The following RBMS3 variants were observed in gnomAD, a reference collection of about 807,000 sequenced individuals.
RBMS3 encodes RNA binding motif single stranded interacting protein 3.
Under a neutral mutation model 66.8 loss-of-function variants are expected in RBMS3, and 27 were observed. That is an observed-to-expected ratio of 0.40 (90% CI 0.30 to 0.56). The LOEUF (loss-of-function observed/expected upper bound fraction) is 0.56. Ranked by LOEUF, RBMS3 falls within the 20% of genes least tolerant of loss-of-function variation. RBMS3 has a pLI of 0.40. For missense variants in RBMS3, 513 were observed against 549.5 expected, an observed-to-expected ratio of 0.93 and a Z score of 0.66; for synonymous variants, 188 against 183.0, an observed-to-expected ratio of 1.03 and a Z score of -0.22.
In RBMS3 at chr3:29,607,698, T is replaced by C. The variant is rs1339953493; in HGVS notation, c.399+20493T>C. 3.9e-5 allele frequency among the ~76,000 whole-genome samples: 6 copies of C among 152,102 alleles called. No homozygotes were observed. In the South Asian group the frequency reaches 8.3e-4, roughly 21 times the overall value. Reference sequence around the variant, plus strand: ...GAAAGAAAATTTAAACATTTTACATTTTTACTTTACATGGAGAAAATTCAT... The same window carrying C: ...GAAAGAAAATTTAAACATTTTACATCTTTACTTTACATGGAGAAAATTCAT... On this transcript the variant is annotated intron_variant, in intron 4 of 14. Coordinates refer to ENST00000383767, the MANE Select transcript of RBMS3 (RefSeq NM_001003793.3).
chr3:29,672,149 A>T (rs577181380), intron 4 of RBMS3, among the ~76,000 whole-genome samples: 1 of 152,214 alleles, frequency 6.6e-6, no homozygotes, highest in African/African-American at 2.4e-5. Flanking sequence ...CTTAAAGAAA[A>T]GAATTTTCAA....
At chr3:29,993,663 C>G (rs1699027898) in intron 14 of RBMS3, among the ~76,000 whole-genome samples, 1 of 152,194 alleles carries the variant, frequency 6.6e-6, no homozygotes, top group African/African-American at 2.4e-5. Context: ...ACTGCTAGAG[C>G]TAGGACATTG....
At chr3:29,922,473 G>C (rs1178559420) in intron 10 of RBMS3, among the ~76,000 whole-genome samples, 1 of 136,022 alleles carries the variant, frequency 7.4e-6, no homozygotes, top group Non-Finnish European at 1.5e-5. Context: ...CGGCCTGGGC[G>C]ACAGAGCGAG....
intron 4 of RBMS3, among the ~76,000 whole-genome samples, chr3:29,727,935 T>C (rs2053954147): frequency 6.6e-6 from 1 of 152,134 alleles, no homozygotes; most frequent in African/African-American, 2.4e-5. Flanking sequence ...CTATTTACGA[T>C]AGTAAAGACT....
intron 6 of RBMS3, among the ~76,000 whole-genome samples, chr3:29,803,505 T>C (rs2057451192): frequency 6.6e-6 from 1 of 152,210 alleles, no homozygotes; most frequent in South Asian, 2.1e-4. Flanking sequence ...AAAGCTAAAA[T>C]TCATTGGAAT....
intron 5 of RBMS3, among the ~76,000 whole-genome samples, chr3:29,745,920 G>A (rs1217159795): frequency 2.0e-5 from 3 of 150,820 alleles, no homozygotes; most frequent in African/African-American, 7.3e-5. Flanking sequence ...GATGGGTATA[G>A]GCATACAAAT....
At chr3:29,798,037 TG>T (rs1201180513) in intron 6 of RBMS3, among the ~76,000 whole-genome samples, 1 of 151,670 alleles carries the variant, frequency 6.6e-6, no homozygotes, top group Admixed American at 6.6e-5. Context: ...AAGAAAGAGA[TG>T]GGGAACATCT....
At chr3:29,640,808 T>C (rs187556594) in intron 4 of RBMS3, among the ~76,000 whole-genome samples, 1 of 152,076 alleles carries the variant, frequency 6.6e-6, no homozygotes, top group African/African-American at 2.4e-5. Flanking sequence ...ATTTCTGCTG[T>C]CAGATAAACT....
chr3:29,990,978 G>T lies in RBMS3; in HGVS notation c.1180-104G>T, dbSNP rs1446959859. 1.3e-5 allele frequency: 14 copies of T among 1,046,952 alleles called. No homozygotes were observed. In the East Asian group the frequency reaches 1.5e-4, roughly 11 times the overall value. 64.9% of individuals were successfully genotyped at this position (1,046,952 alleles called of 1,614,324 possible). A position where few individuals can be genotyped will look rare whatever the true frequency, so the allele number is the denominator to read the frequency against. Reference sequence around the variant, plus strand: ...TTATTGTGACTTCATGTAGCTGAGGGTATCTCTACTTAAGCCAAATAGAAG... The same window carrying T: ...TTATTGTGACTTCATGTAGCTGAGGTTATCTCTACTTAAGCCAAATAGAAG... On this transcript the variant is annotated intron_variant, in intron 13 of 14. Transcript: ENST00000383767.
intron 3 of RBMS3, among the ~76,000 whole-genome samples, chr3:29,578,064 CT>C (rs1226036701): frequency 6.6e-6 from 1 of 152,160 alleles, no homozygotes; most frequent in African/African-American, 2.4e-5. Context: ...TTTACAAAAT[CT>C]TTACTACAAA....
chr3:29,791,066 A>C (rs1293143546), intron 6 of RBMS3, among the ~76,000 whole-genome samples: 1 of 152,196 alleles, frequency 6.6e-6, no homozygotes, highest in Admixed American at 6.5e-5. Flanking sequence ...CTATTCCTCT[A>C]TACCAGTATG....
chr3:29,482,706 T>TTTTC (rs1438426632), intron 2 of RBMS3, among the ~76,000 whole-genome samples: 31 of 107,468 alleles, frequency 2.9e-4, no homozygotes, highest in African/African-American at 1.2e-3. Flanking sequence ...TCTTTCTTTT[T>TTTTC]TTTTTTTTTT....
At chr3:29,592,191 C>CACAT (rs973857938) in intron 4 of RBMS3, among the ~76,000 whole-genome samples, 2 of 144,752 alleles carry the variant, frequency 1.4e-5, no homozygotes, top group East Asian at 4.4e-4. Flanking sequence ...AATTCAAACA[C>CACAT]ACATACACAC....
At chr3:29,873,697 C>T (rs903937673) in intron 7 of RBMS3, among the ~76,000 whole-genome samples, 1 of 152,072 alleles carries the variant, frequency 6.6e-6, no homozygotes, top group Admixed American at 6.6e-5. Flanking sequence ...GGCTTTTGCC[C>T]ATTCAGTATG....
rs116622724 is a variant in RBMS3 at position 29,521,125 on chromosome 3, C to A, written c.307+32626C>A. Among the ~76,000 whole-genome samples the A allele has an allele frequency of 3.4e-3, 515 of 152,198 alleles. 4 individuals are homozygous for A. The highest frequency in any genetic ancestry group is 0.012 in the African/African-American group (489 of 41,524). On this transcript the variant is annotated intron_variant, in intron 3 of 14. Transcript: ENST00000383767. ...AATACTGACATCCTATTTTATCCCA[C>A]CCCATCCTTGATTATATTAATATTT...
chr3:29,966,709 C>A (rs1696870740), intron 12 of RBMS3, among the ~76,000 whole-genome samples: 1 of 152,166 alleles, frequency 6.6e-6, no homozygotes, highest in Non-Finnish European at 1.5e-5. Flanking sequence ...ATTGCTCTGG[C>A]TAGGACTTCC....
intron 1 of RBMS3, among the ~76,000 whole-genome samples, chr3:29,403,974 G>A (rs1269847619): frequency 1.3e-5 from 2 of 152,034 alleles, no homozygotes; most frequent in Non-Finnish European, 2.9e-5. Context: ...TTCTTCTCGA[G>A]TGGATTATGT....
chr3:29,939,630 G>T (rs2149695266), intron 11 of RBMS3, among the ~76,000 whole-genome samples: 1 of 151,924 alleles, frequency 6.6e-6, no homozygotes, highest in South Asian at 2.1e-4. Context: ...TGTGACTCCT[G>T]CCCAAGGTTT....
At chr3:29,665,537 T>C (rs1382827586) in intron 4 of RBMS3, among the ~76,000 whole-genome samples, 1 of 152,156 alleles carries the variant, frequency 6.6e-6, no homozygotes, top group Non-Finnish European at 1.5e-5. Context: ...TCAGGAATCG[T>C]GTCACGAACA....
Sources: allele counts gnomAD v4.1 joint callset (sites outside exome capture counted in the v4.1 genomes callset), GRCh38; gene constraint gnomAD v4.1.1; transcripts MANE v1.5; gene names NCBI Gene and HGNC (gene_info 2026-07-23, HGNC 2026-07-21).